The following LOC128462377 variants were observed in gnomAD, a reference collection of about 807,000 sequenced individuals.
the LOC128462377 span, among the ~76,000 whole-genome samples, chr16:89,386,294 G>T: frequency 9.0e-3 from 1,369 of 151,664 alleles, 22 homozygotes; most frequent in Non-Finnish European, 8.4e-3. Flanking sequence ...TTTAAAGCTT[G>T]ATTATTAAGA....
the LOC128462377 span, among the ~76,000 whole-genome samples, chr16:89,351,059 C>T: frequency 6.6e-6 from 1 of 152,118 alleles, no homozygotes; most frequent in African/African-American, 2.4e-5. Flanking sequence ...ATCCCCCGAC[C>T]GCTATTAAAA....
At chr16:89,408,048 G>A in the LOC128462377 span, among the ~76,000 whole-genome samples, 1 of 152,106 alleles carries the variant, frequency 6.6e-6, no homozygotes, top group Admixed American at 6.5e-5. Flanking sequence ...TAGTGCCCCT[G>A]CCCTCAAGCT....
chr16:89,399,077 G>A, the LOC128462377 span, among the ~76,000 whole-genome samples: 6 of 152,206 alleles, frequency 3.9e-5, no homozygotes, highest in Non-Finnish European at 7.3e-5. Context: ...AACAGAAACT[G>A]CATCATCCCT....
the LOC128462377 span, among the ~76,000 whole-genome samples, chr16:89,416,369 G>T: frequency 2.0e-5 from 3 of 151,908 alleles, no homozygotes; most frequent in Non-Finnish European, 4.4e-5. Flanking sequence ...TTGTGATCTT[G>T]GCTCACTGAA....
the LOC128462377 span, among the ~76,000 whole-genome samples, chr16:89,338,702 G>A: frequency 8.5e-6 from 1 of 117,136 alleles, no homozygotes; most frequent in Non-Finnish European, 1.6e-5. Context: ...TCCAGCCTGG[G>A]CAGCAAAGAG....
At chr16:89,414,351 C>T in the LOC128462377 span, among the ~76,000 whole-genome samples, 14 of 152,090 alleles carry the variant, frequency 9.2e-5, no homozygotes, top group South Asian at 2.1e-4. Flanking sequence ...CCACATGTTG[C>T]AAGGGTCAGC....
chr16:89,321,795 T>C, the LOC128462377 span, among the ~76,000 whole-genome samples: 10 of 152,110 alleles, frequency 6.6e-5, no homozygotes, highest in Admixed American at 4.6e-4. Context: ...GGGTCTGGGT[T>C]TGCACTGCGT....
At chr16:89,327,501 T>C in the LOC128462377 span, among the ~76,000 whole-genome samples, 1 of 152,160 alleles carries the variant, frequency 6.6e-6, no homozygotes, top group Admixed American at 6.5e-5. Context: ...TCCAAGAAAC[T>C]TTATTTAATA....
At chr16:89,360,428 A>C in the LOC128462377 span, 1 of 152,214 alleles carries the variant, frequency 6.6e-6, no homozygotes, top group Non-Finnish European at 1.5e-5. Flanking sequence ...AACATTTATA[A>C]TGAATGACAT....
the LOC128462377 span, among the ~76,000 whole-genome samples, chr16:89,353,417 G>C: frequency 1.3e-5 from 2 of 152,106 alleles, no homozygotes; most frequent in Non-Finnish European, 2.9e-5. Context: ...GATCTCAAAA[G>C]TAGAGCTGGA....
At chr16:89,345,248 C>A in the LOC128462377 span, among the ~76,000 whole-genome samples, 1 of 147,832 alleles carries the variant, frequency 6.8e-6, no homozygotes, top group Non-Finnish European at 1.5e-5. Flanking sequence ...ATTACAAGCC[C>A]CCCCTCCCCA....
the LOC128462377 span, among the ~76,000 whole-genome samples, chr16:89,384,862 CA>C: frequency 9.2e-6 from 1 of 108,856 alleles, no homozygotes; most frequent in Non-Finnish European, 1.9e-5. Context: ...TGGGAGCACA[CA>C]ATGAGAAATA....
At chr16:89,384,879 C>CTTTTTTTTTTTTTTTTTTTTTTT in the LOC128462377 span, among the ~76,000 whole-genome samples, 64 of 49,942 alleles carry the variant, frequency 1.3e-3, 10 homozygotes, top group Non-Finnish European at 1.5e-3. Context: ...AAATAGTTTT[C>CTTTTTTTTTTTTTTTTTTTTTTT]TTTTTTTTTT....
the LOC128462377 span, among the ~76,000 whole-genome samples, chr16:89,409,162 T>C: frequency 6.6e-6 from 1 of 152,250 alleles, no homozygotes. Context: ...ATTTTTTAGG[T>C]GAAGCCGACG....
chr16:89,378,458 T>C, the LOC128462377 span, among the ~76,000 whole-genome samples: 4 of 152,194 alleles, frequency 2.6e-5, no homozygotes, highest in African/African-American at 7.2e-5. Flanking sequence ...TTTCAAATCA[T>C]GGCATTGAAG....
the LOC128462377 span, among the ~76,000 whole-genome samples, chr16:89,358,877 G>A: frequency 1.3e-5 from 2 of 152,010 alleles, no homozygotes; most frequent in Non-Finnish European, 2.9e-5. Context: ...CCAGGCTGGA[G>A]CGCAGTGGTG....
the LOC128462377 span, among the ~76,000 whole-genome samples, chr16:89,396,680 AT>A: frequency 6.6e-6 from 1 of 152,002 alleles, no homozygotes; most frequent in Non-Finnish European, 1.5e-5. Flanking sequence ...TCTAATTGCT[AT>A]TTGTTGTTGT....
At chr16:89,406,557 G>A in the LOC128462377 span, among the ~76,000 whole-genome samples, 1 of 152,216 alleles carries the variant, frequency 6.6e-6, no homozygotes, top group Admixed American at 6.5e-5. Context: ...GCTGCAGCGA[G>A]GAAGACAGAT....
the LOC128462377 span, among the ~76,000 whole-genome samples, chr16:89,376,719 G>A: frequency 8.5e-5 from 13 of 152,166 alleles, no homozygotes; most frequent in African/African-American, 2.2e-4. Flanking sequence ...GATTACAGGC[G>A]TGCGCCACCA....
Sources: allele counts gnomAD v4.1 joint callset (sites outside exome capture counted in the v4.1 genomes callset), GRCh38; gene constraint gnomAD v4.1.1; transcripts MANE v1.5.